Variants in EYS observed in about 807,000 individuals in gnomAD.
The protein encoded by EYS is EGF-like photoreceptor maintenance factor, also known as protein eyes shut homolog.
A neutral mutation model predicts 282.1 loss-of-function variants in EYS; 250 were observed. That is an observed-to-expected ratio of 0.89 (90% CI 0.80 to 0.98). The LOEUF is 0.98. EYS is among the 50% of genes least tolerant of loss of function. The pLI is 0.00. For missense variants in EYS, 4,016 were observed against 3,709.0 expected (o/e 1.08, Z -2.15); for synonymous variants, 1,355 against 1,282.9 (o/e 1.06, Z -1.20).
chr6:65,139,618 C>A (rs956992904), intron 12 of EYS, among the ~76,000 whole-genome samples: 1 of 152,084 alleles, frequency 6.6e-6, no homozygotes, highest in African/African-American at 2.4e-5. Flanking sequence ...CCCGCTCCCA[C>A]CCTCATCTTC....
chr6:64,334,595 A>C (rs756473577), intron 29 of EYS, among the ~76,000 whole-genome samples: 33 of 152,258 alleles, frequency 2.2e-4, no homozygotes, highest in Admixed American at 5.9e-4. Context: ...ATAAGGTTGC[A>C]AGCAGTTCTG....
At chr6:64,427,311 AG>A (rs1300970294) in intron 28 of EYS, among the ~76,000 whole-genome samples, 2 of 152,162 alleles carry the variant, frequency 1.3e-5, no homozygotes, top group Non-Finnish European at 2.9e-5. Flanking sequence ...AGGTCATAAC[AG>A]AGAGTACACC....
At chr6:64,937,998 C>T (rs1252365363) in intron 15 of EYS, among the ~76,000 whole-genome samples, 1 of 151,498 alleles carries the variant, frequency 6.6e-6, no homozygotes, top group Non-Finnish European at 1.5e-5. Flanking sequence ...AAATATTATG[C>T]TAAGTCAAAC....
chr6:64,443,267 C>T (rs1294999497), intron 26 of EYS, among the ~76,000 whole-genome samples: 1 of 152,102 alleles, frequency 6.6e-6, no homozygotes, highest in Non-Finnish European at 1.5e-5. Flanking sequence ...GCCAAGTTTT[C>T]CCATTTGGAA....
intron 14 of EYS, among the ~76,000 whole-genome samples, chr6:64,991,148 A>G (rs1261566526): frequency 6.6e-6 from 1 of 151,520 alleles, no homozygotes; most frequent in Non-Finnish European, 1.5e-5. Flanking sequence ...CAGAAAGCTG[A>G]CCTCTATCAT....
chr6:65,125,860 C>T (rs935830892), intron 12 of EYS, among the ~76,000 whole-genome samples: 1 of 152,076 alleles, frequency 6.6e-6, no homozygotes, highest in African/African-American at 2.4e-5. Flanking sequence ...TCAGAAAAGC[C>T]CCATTATGTG....
chr6:64,896,681 A>G (rs901919632), intron 18 of EYS, among the ~76,000 whole-genome samples: 1 of 152,010 alleles, frequency 6.6e-6, no homozygotes, highest in Non-Finnish European at 1.5e-5. Context: ...CACAGAGCCC[A>G]GCAACCTAAG....
intron 5 of EYS, among the ~76,000 whole-genome samples, chr6:65,441,075 A>G (rs928338794): frequency 2.0e-5 from 3 of 150,666 alleles, no homozygotes; most frequent in Non-Finnish European, 4.4e-5. Flanking sequence ...AATTAAACTC[A>G]TTAATGACTT....
At chr6:65,283,985 T>C (rs1768291084) in intron 12 of EYS, among the ~76,000 whole-genome samples, 1 of 152,166 alleles carries the variant, frequency 6.6e-6, no homozygotes, top group Non-Finnish European at 1.5e-5. Context: ...TCTTACGTGA[T>C]CTAAACTCGA....
chr6:63,927,653 C>CT (rs1444671303), intron 35 of EYS, among the ~76,000 whole-genome samples: 1 of 152,194 alleles, frequency 6.6e-6, no homozygotes, highest in Non-Finnish European at 1.5e-5. Context: ...AACTCCTTAA[C>CT]TTTAACTCTG....
At chr6:65,107,991 A>C (rs746447789) in intron 12 of EYS, among the ~76,000 whole-genome samples, 1 of 152,094 alleles carries the variant, frequency 6.6e-6, no homozygotes. Flanking sequence ...AGATGATGTT[A>C]TATTCTTGTT....
chr6:64,033,061 C>T (rs1769936044), intron 33 of EYS, among the ~76,000 whole-genome samples: 1 of 152,228 alleles, frequency 6.6e-6, no homozygotes, highest in South Asian at 2.1e-4. Context: ...GCTCCTATCA[C>T]TCAGGAGGTT....
chr6:64,827,815 C>G (rs186152001), intron 19 of EYS, among the ~76,000 whole-genome samples: 8 of 151,698 alleles, frequency 5.3e-5, no homozygotes, highest in Non-Finnish European at 1.2e-4. Context: ...CCAGCAAATG[C>G]TATTCTATGA....
chr6:65,251,826 AAAGAG>A (rs1767332579), intron 12 of EYS, among the ~76,000 whole-genome samples: 1 of 152,018 alleles, frequency 6.6e-6, no homozygotes, highest in Non-Finnish European at 1.5e-5. Context: ...CCCAATGCCT[AAAGAG>A]AATACCAGAT....
intron 15 of EYS, among the ~76,000 whole-genome samples, chr6:64,918,921 A>G (rs1179879592): frequency 6.6e-6 from 1 of 152,244 alleles, no homozygotes; most frequent in East Asian, 1.9e-4. Context: ...AAATTCAAGT[A>G]CCATTCTAAC....
intron 13 of EYS, among the ~76,000 whole-genome samples, chr6:64,998,231 A>G (rs1771340502): frequency 6.6e-6 from 1 of 152,228 alleles, no homozygotes; most frequent in African/African-American, 2.4e-5. Flanking sequence ...TAAAATAATG[A>G]TCACAATTTG....
chr6:64,648,528 G>C (rs1768437176), intron 22 of EYS, among the ~76,000 whole-genome samples: 1 of 152,120 alleles, frequency 6.6e-6, no homozygotes. Flanking sequence ...ATAGGTTAAA[G>C]TACAACGGCT....
intron 36 of EYS, among the ~76,000 whole-genome samples, chr6:63,826,995 G>A (rs902171544): frequency 1.3e-5 from 2 of 152,128 alleles, no homozygotes; most frequent in Non-Finnish European, 2.9e-5. Context: ...ACAGCAGAAT[G>A]GATAAGAACT....
chr6:64,835,051 A>G (rs1421769273), intron 19 of EYS, among the ~76,000 whole-genome samples: 2 of 151,786 alleles, frequency 1.3e-5, no homozygotes, highest in African/African-American at 2.4e-5. Context: ...ATAGTTTTGT[A>G]CTAGTAAATG....
Sources: allele counts gnomAD v4.1 joint callset (sites outside exome capture counted in the v4.1 genomes callset), GRCh38; gene constraint gnomAD v4.1.1; transcripts MANE v1.5; gene names NCBI Gene and HGNC (gene_info 2026-07-23, HGNC 2026-07-21).